The following LINGO2 variants were observed in gnomAD, a reference collection of about 807,000 sequenced individuals.
LINGO2 encodes the protein leucine-rich repeat and immunoglobulin-like domain-containing nogo receptor-interacting protein 2.
LINGO2 carries 14 observed loss-of-function variants against 30.6 expected under a neutral mutation model. That is an observed-to-expected ratio of 0.46 (90% CI 0.30 to 0.72). The LOEUF is 0.72. Ranked by LOEUF, LINGO2 falls within the 30% of genes least tolerant of loss-of-function variation. The probability of loss-of-function intolerance (pLI) is 0.07; values close to 1 mark genes in which losing one functional copy is unlikely to be tolerated. For missense variants in LINGO2, 729 were observed against 751.7 expected, an observed-to-expected ratio of 0.97 and a Z score of 0.35; for synonymous variants, 317 against 288.5, an observed-to-expected ratio of 1.10 and a Z score of -1.00.
chr9:29,052,951 G>T, the LINGO2 span, among the ~76,000 whole-genome samples: 1 of 151,438 alleles, frequency 6.6e-6, no homozygotes, highest in Admixed American at 6.6e-5. Flanking sequence ...ACTGAAGCTT[G>T]TTTTTTTTGA....
the LINGO2 span, among the ~76,000 whole-genome samples, chr9:28,718,130 T>C: frequency 1.4e-4 from 21 of 151,278 alleles, no homozygotes; most frequent in Non-Finnish European, 2.4e-4. Context: ...AAAAGCTTCA[T>C]GGGGGAGATG....
intron 3 of LINGO2, among the ~76,000 whole-genome samples, chr9:28,311,451 G>A (rs1345510618): frequency 6.6e-6 from 1 of 151,980 alleles, no homozygotes; most frequent in African/African-American, 2.4e-5. Flanking sequence ...TGGAGACTGG[G>A]GCTTATTACA....
the LINGO2 span, among the ~76,000 whole-genome samples, chr9:29,150,169 G>C: frequency 1.3e-5 from 2 of 152,118 alleles, no homozygotes. Flanking sequence ...AAAATATTCT[G>C]CCAACATTCA....
chr9:28,371,730 C>T (rs75269181), intron 3 of LINGO2, among the ~76,000 whole-genome samples: 5,283 of 152,220 alleles, frequency 0.035, 108 homozygotes, highest in East Asian at 0.085. Flanking sequence ...TTTCTTTGTA[C>T]TCTCCTAATT....
At chr9:28,039,418 C>T (rs965506161) in intron 4 of LINGO2, among the ~76,000 whole-genome samples, 24 of 151,790 alleles carry the variant, frequency 1.6e-4, no homozygotes, top group African/African-American at 4.4e-4. Flanking sequence ...CTAAAAGAGG[C>T]GCAACTAACA....
chr9:27,949,094 G>A (rs1476612084), exon 6 of LINGO2: 1 of 1,614,178 alleles, frequency 6.2e-7, no homozygotes, highest in Admixed American at 1.7e-5. Flanking sequence ...TGGTGCCATT[G>A]GAAATGGTGT....
intron 4 of LINGO2, among the ~76,000 whole-genome samples, chr9:28,231,735 A>G (rs1056199015): frequency 6.6e-6 from 1 of 152,104 alleles, no homozygotes; most frequent in South Asian, 2.1e-4. Context: ...AATCCTTGTT[A>G]GGTAAGTATG....
the LINGO2 span, among the ~76,000 whole-genome samples, chr9:28,887,221 G>A: frequency 6.6e-6 from 1 of 152,098 alleles, no homozygotes; most frequent in Non-Finnish European, 1.5e-5. Context: ...CTGAGTTGAT[G>A]CTGACATATA....
the LINGO2 span, among the ~76,000 whole-genome samples, chr9:28,839,781 G>A: frequency 3.9e-5 from 6 of 152,304 alleles, no homozygotes; most frequent in South Asian, 4.1e-4. Flanking sequence ...GCCATCCCAG[G>A]CTTGAAGGTG....
chr9:28,816,079 G>A, the LINGO2 span, among the ~76,000 whole-genome samples: 18 of 152,252 alleles, frequency 1.2e-4, no homozygotes, highest in South Asian at 3.7e-3. Context: ...TGAGGAAAGG[G>A]ATCTCAGCCT....
At chr9:28,796,159 A>G in the LINGO2 span, among the ~76,000 whole-genome samples, 16 of 152,192 alleles carry the variant, frequency 1.1e-4, no homozygotes, top group East Asian at 3.1e-3. Flanking sequence ...GGTAAAGACT[A>G]TTCACAAACT....
chr9:28,513,245 C>G (rs1325136799), intron 1 of LINGO2, among the ~76,000 whole-genome samples: 2 of 152,166 alleles, frequency 1.3e-5, no homozygotes. Flanking sequence ...AATCAGTCAA[C>G]CAATCTGCAA....
the LINGO2 span, among the ~76,000 whole-genome samples, chr9:29,124,039 C>T: frequency 6.6e-6 from 1 of 152,166 alleles, no homozygotes; most frequent in Non-Finnish European, 1.5e-5. Context: ...ACCAAAACAG[C>T]ATGGTACTTC....
At chr9:29,013,150 A>C in the LINGO2 span, among the ~76,000 whole-genome samples, 5 of 152,320 alleles carry the variant, frequency 3.3e-5, no homozygotes, top group East Asian at 7.7e-4. Flanking sequence ...ATAGAGAGAA[A>C]GATGCAATTT....
chr9:29,100,278 T>G, the LINGO2 span, among the ~76,000 whole-genome samples: 1 of 152,166 alleles, frequency 6.6e-6, no homozygotes, highest in Non-Finnish European at 1.5e-5. Context: ...GGGAAGCCAT[T>G]TTAACTGGGT....
chr9:28,284,809 C>T (rs1823449663), intron 4 of LINGO2, among the ~76,000 whole-genome samples: 1 of 152,074 alleles, frequency 6.6e-6, no homozygotes, highest in African/African-American at 2.4e-5. Context: ...GATAGAAAAA[C>T]CATTCTGGTA....
At chr9:28,068,341 C>T (rs1825374846) in intron 4 of LINGO2, among the ~76,000 whole-genome samples, 1 of 152,092 alleles carries the variant, frequency 6.6e-6, no homozygotes. Flanking sequence ...TTGCTGTGTG[C>T]TCACAATGCC....
chr9:28,637,898 C>T (rs189512667), intron 1 of LINGO2, among the ~76,000 whole-genome samples: 283 of 152,234 alleles, frequency 1.9e-3, no homozygotes, highest in African/African-American at 6.4e-3. Context: ...CTGTCTTGTG[C>T]CAGTTTTCAA....
At chr9:28,185,379 A>T (rs1819505556) in intron 4 of LINGO2, among the ~76,000 whole-genome samples, 1 of 152,202 alleles carries the variant, frequency 6.6e-6, no homozygotes, top group African/African-American at 2.4e-5. Flanking sequence ...TATTAATCAA[A>T]TATGTTTCCT....
Sources: gnomAD v4.1 joint callset for allele counts (sites outside exome capture counted in the v4.1 genomes callset) on GRCh38, gnomAD v4.1.1 for gene constraint, MANE v1.5 for transcripts, NCBI Gene and HGNC (gene_info 2026-07-23, HGNC 2026-07-21) for gene names.